CHRM3: variants seen among roughly 807,000 people sequenced by gnomAD.
CHRM3 encodes the protein muscarinic acetylcholine receptor M3.
CHRM3 carries 11 observed loss-of-function variants against 41.8 expected under a neutral mutation model. The observed-to-expected ratio is 0.26, with a 90% CI of 0.17 to 0.44. The LOEUF (loss-of-function observed/expected upper bound fraction) is 0.44, where lower values mean the gene tolerates loss of function less well. Among genes scored for constraint, CHRM3 ranks in the 20% least tolerant of loss-of-function variants. CHRM3 has a pLI of 1.00. For missense variants in CHRM3, 571 were observed against 745.4 expected, an observed-to-expected ratio of 0.77 and a Z score of 2.72; for synonymous variants, 297 against 301.4, an observed-to-expected ratio of 0.99 and a Z score of 0.15.
intron 3 of CHRM3, among the ~76,000 whole-genome samples, chr1:239,574,065 A>T (rs1662096603): frequency 6.6e-6 from 1 of 152,110 alleles, no homozygotes. Context: ...AAGCAGACTT[A>T]CCCTGGCAAT....
At chr1:239,882,866 G>A (rs1162657285) in intron 6 of CHRM3, among the ~76,000 whole-genome samples, 1 of 152,208 alleles carries the variant, frequency 6.6e-6, no homozygotes, top group African/African-American at 2.4e-5. Flanking sequence ...CGCAGTGGGT[G>A]TTCAATAAAC....
intron 1 of CHRM3, among the ~76,000 whole-genome samples, chr1:239,390,158 T>C (rs913427330): frequency 3.3e-5 from 5 of 152,346 alleles, no homozygotes; most frequent in Non-Finnish European, 5.9e-5. Flanking sequence ...TCTATGAGCT[T>C]AATAAAATTG....
intron 5 of CHRM3, among the ~76,000 whole-genome samples, chr1:239,796,033 T>C (rs559012758): frequency 3.3e-5 from 5 of 152,178 alleles, no homozygotes; most frequent in Non-Finnish European, 5.9e-5. Context: ...CTGAGCATTT[T>C]TTTAAGTTCA....
Position 239,827,373 on chromosome 1 carries a change from T to C in CHRM3, c.-25T>C, listed in dbSNP as rs1364435381. On this transcript the variant is annotated 5_prime_UTR_variant, in exon 6 of 7. Transcript: ENST00000676153. ...CCTTGTTACATAACTCAGTTCCTGG[T>C]AGATTGTAAGTACACAGAAGGCATT... is the stretch of plus-strand genomic sequence containing the variant. 1 of 152,164 alleles carries C rather than the reference T, an allele frequency of 6.6e-6. No homozygotes were observed. The highest frequency in any genetic ancestry group is 1.5e-5 in the Non-Finnish European group (1 of 68,032). 9.4% of individuals were successfully genotyped at this position (152,164 alleles called of 1,614,324 possible). A position where few individuals can be genotyped will look rare whatever the true frequency, so the allele number is the denominator to read the frequency against.
At chr1:239,596,639 T>C (rs1037563904) in intron 3 of CHRM3, among the ~76,000 whole-genome samples, 1 of 152,182 alleles carries the variant, frequency 6.6e-6, no homozygotes, top group Admixed American at 6.5e-5. Flanking sequence ...TAGTTTTAAA[T>C]CAGAGAATGG....
chr1:239,736,655 T>C (rs1312369592), intron 5 of CHRM3, among the ~76,000 whole-genome samples: 1 of 152,178 alleles, frequency 6.6e-6, no homozygotes, highest in Non-Finnish European at 1.5e-5. Context: ...ATTTTGCTTC[T>C]GAAATTCTTC....
chr1:239,600,138 G>A (rs1175747746), intron 3 of CHRM3, among the ~76,000 whole-genome samples: 14 of 152,122 alleles, frequency 9.2e-5, no homozygotes, highest in Admixed American at 9.2e-4. Context: ...TCTGAGTTGT[G>A]TTTATTTCAA....
In CHRM3 at chr1:239,876,365, T is replaced by C. The variant is rs560359273; in HGVS notation, c.-19-31068T>C. On this transcript the variant is annotated intron_variant, in intron 6 of 6. Coordinates refer to ENST00000676153, the MANE Select transcript of CHRM3 (RefSeq NM_001375978.1). ...AGTTTTGGAAACCAGCTGGAGGTAG[T>C]GTAAGCAAAAGGGCGGATTGGTGAC... Among the ~76,000 whole-genome samples the C allele has an allele frequency of 4.6e-5, 7 of 152,320 alleles. No homozygotes were observed. In the South Asian group the frequency reaches 1.5e-3, roughly 32 times the overall value.
intron 5 of CHRM3, among the ~76,000 whole-genome samples, chr1:239,781,206 T>C (rs1215147624): frequency 6.6e-6 from 1 of 152,152 alleles, no homozygotes; most frequent in Non-Finnish European, 1.5e-5. Context: ...GTAACTGACA[T>C]CTGGACAATA....
At chr1:239,840,599 G>A (rs1029290863) in intron 6 of CHRM3, among the ~76,000 whole-genome samples, 4 of 152,148 alleles carry the variant, frequency 2.6e-5, no homozygotes, top group Non-Finnish European at 5.9e-5. Context: ...TGGATGGCAG[G>A]ATGTTCAATT....
At chr1:239,706,130 A>T (rs1282365476) in intron 5 of CHRM3, among the ~76,000 whole-genome samples, 1 of 149,432 alleles carries the variant, frequency 6.7e-6, no homozygotes, top group Non-Finnish European at 1.5e-5. Flanking sequence ...TTCATGATAT[A>T]CAACTAAATT....
chr1:239,604,721 C>T (rs1479252706), intron 3 of CHRM3, among the ~76,000 whole-genome samples: 2 of 152,144 alleles, frequency 1.3e-5, no homozygotes, highest in Non-Finnish European at 2.9e-5. Context: ...AACCTGAGAA[C>T]TTTTAGATAT....
chr1:239,785,722 T>C (rs1309844568), intron 5 of CHRM3, among the ~76,000 whole-genome samples: 1 of 152,182 alleles, frequency 6.6e-6, no homozygotes, highest in Non-Finnish European at 1.5e-5. Flanking sequence ...CAGCTGGGAT[T>C]GACAAGGGTT....
At chr1:239,523,430 A>T (rs531590386) in intron 2 of CHRM3, among the ~76,000 whole-genome samples, 1 of 152,322 alleles carries the variant, frequency 6.6e-6, no homozygotes, top group South Asian at 2.1e-4. Context: ...ATTTCTCAGC[A>T]GTGATTTTTT....
chr1:239,831,622 C>T (rs1672900675), intron 6 of CHRM3, among the ~76,000 whole-genome samples: 1 of 152,138 alleles, frequency 6.6e-6, no homozygotes, highest in Non-Finnish European at 1.5e-5. Context: ...GAATCTTAAA[C>T]AAAGAGATAG....
chr1:239,445,110 T>G (rs1664029645), intron 1 of CHRM3, among the ~76,000 whole-genome samples: 1 of 152,138 alleles, frequency 6.6e-6, no homozygotes, highest in South Asian at 2.1e-4. Context: ...ATGTGAAACT[T>G]GAGGAATTTG....
At chr1:239,717,778 C>G (rs1400933870) in intron 5 of CHRM3, among the ~76,000 whole-genome samples, 1 of 152,060 alleles carries the variant, frequency 6.6e-6, no homozygotes, top group East Asian at 1.9e-4. Context: ...CCTTCCTCCT[C>G]TAGAACTGAC....
intron 3 of CHRM3, among the ~76,000 whole-genome samples, chr1:239,619,082 T>C (rs868090377): frequency 6.6e-6 from 1 of 151,032 alleles, no homozygotes; most frequent in Non-Finnish European, 1.5e-5. Flanking sequence ...GCCCAGCTAA[T>C]TTTTGTATTT....
chr1:239,463,367 C>G (rs1282934059), intron 1 of CHRM3, among the ~76,000 whole-genome samples: 2 of 152,074 alleles, frequency 1.3e-5, no homozygotes, highest in Non-Finnish European at 2.9e-5. Flanking sequence ...TCCTCATTCT[C>G]CTTATCCCTC....
Sources: gnomAD v4.1 joint callset for allele counts (sites outside exome capture counted in the v4.1 genomes callset) on GRCh38, gnomAD v4.1.1 for gene constraint, MANE v1.5 for transcripts, NCBI Gene and HGNC (gene_info 2026-07-23, HGNC 2026-07-21) for gene names.